ARHGAP32: variants seen among roughly 807,000 people sequenced by gnomAD.
ARHGAP32 encodes the protein rho GTPase-activating protein 32.
ARHGAP32 carries 51 observed loss-of-function variants against 186.5 expected under a neutral mutation model. The observed-to-expected ratio is 0.27, with a 90% confidence interval of 0.22 to 0.35. The LOEUF is 0.35. Ranked by LOEUF, ARHGAP32 falls within the 10% of genes least tolerant of loss-of-function variation. The pLI, the probability that ARHGAP32 is intolerant of heterozygous loss-of-function variation, is 1.00. For missense variants in ARHGAP32, 2,186 were observed against 2,623.5 expected (o/e 0.83, Z 3.64); for synonymous variants, 950 against 964.3 (o/e 0.99, Z 0.27).
intron 12 of ARHGAP32, among the ~76,000 whole-genome samples, chr11:128,997,641 T>TC (rs1420927101): frequency 4.0e-5 from 6 of 151,800 alleles, no homozygotes; most frequent in Admixed American, 6.6e-5. Flanking sequence ...CTCCTATCCA[T>TC]CCCCCCATCC....
At chr11:129,031,038 T>A (rs373207513) in intron 11 of ARHGAP32, among the ~76,000 whole-genome samples, 72 of 152,172 alleles carry the variant, frequency 4.7e-4, no homozygotes, top group African/African-American at 1.7e-3. Flanking sequence ...GTGCCATGCT[T>A]CCTGGACAGC....
intron 1 of ARHGAP32, among the ~76,000 whole-genome samples, chr11:129,226,301 G>A (rs1188658226): frequency 6.6e-6 from 1 of 151,574 alleles, no homozygotes; most frequent in African/African-American, 2.4e-5. Context: ...ACTCCAAGTA[G>A]GATAAACTCA....
intron 6 of ARHGAP32, among the ~76,000 whole-genome samples, chr11:129,089,704 C>T (rs1305441734): frequency 3.9e-5 from 6 of 152,248 alleles, no homozygotes; most frequent in South Asian, 2.1e-4. Flanking sequence ...ACGATACTAA[C>T]AATATTTGAT....
At chr11:129,113,791 T>C (rs1390770431) in intron 5 of ARHGAP32, among the ~76,000 whole-genome samples, 10 of 152,094 alleles carry the variant, frequency 6.6e-5, no homozygotes, top group Non-Finnish European at 1.3e-4. Context: ...ATATGGTGCT[T>C]AGTTTCAAAA....
chr11:129,008,029 T>C lies in ARHGAP32; in HGVS notation c.1046-9561A>G, dbSNP rs187356528. 7.4e-4 allele frequency among the ~76,000 whole-genome samples: 113 copies of C among 152,136 alleles called. 1 individual carries two copies. The highest frequency in any genetic ancestry group is 2.6e-3 in the African/African-American group (107 of 41,500). On this transcript the variant is annotated intron_variant, in intron 11 of 22. Transcript: ENST00000682385. ...CTGGATTCAAGGCAAAGTCCCAAAA[T>C]TCCTAAGTTCTCCCTCAAGAGAGAG...
intron 2 of ARHGAP32, among the ~76,000 whole-genome samples, chr11:129,131,726 T>C (rs1942815336): frequency 6.6e-6 from 1 of 151,882 alleles, no homozygotes; most frequent in African/African-American, 2.4e-5. Flanking sequence ...GGCCCACAAA[T>C]CCAAACCACA....
intron 10 of ARHGAP32, 95 bp from the exon 11 acceptor site, chr11:129,041,104 C>T (rs922008528): frequency 1.4e-6 from 1 of 728,450 alleles, no homozygotes; most frequent in Non-Finnish European, 2.3e-6. Context: ...TTCTACAGTC[C>T]CTCCCAAATG....
intron 10 of ARHGAP32, among the ~76,000 whole-genome samples, chr11:129,052,858 A>C (rs752333262): frequency 1.3e-5 from 2 of 152,128 alleles, no homozygotes; most frequent in Non-Finnish European, 2.9e-5. Context: ...AGTGTATATT[A>C]ATGGAAGTAG....
rs761851934 is a variant in ARHGAP32, at chr11:129,123,541, T to C, written c.360-11A>G. On this transcript the variant is annotated splice_polypyrimidine_tract_variant and intron_variant, in intron 4 of 22. Coordinates refer to ENST00000682385, the MANE Select transcript of ARHGAP32 (RefSeq NM_001378024.1). This position sits in a 1 kb window ranked among gnomAD's most constrained non-coding sequence, Gnocchi z 4.6. ...TTAGTGAAGGGTAACCTGAAACACA[T>C]GAAATAAATAAGAAACGAGATAGTG... 6.2e-6 allele frequency: 10 copies of C among 1,605,954 alleles called. No homozygotes were observed. Among genetic ancestry groups the C allele is most frequent in the Non-Finnish European group, 8.5e-6 (10 of 1,173,474 alleles).
intron 12 of ARHGAP32, among the ~76,000 whole-genome samples, chr11:128,997,707 TATAAAAA>T (rs1194579200): frequency 1.3e-5 from 2 of 152,142 alleles, no homozygotes; most frequent in African/African-American, 4.8e-5. Flanking sequence ...TATAGATTCC[TATAAAAA>T]ATAAAATACA....
chr11:129,238,326 C>T (rs1271480516), intron 1 of ARHGAP32, among the ~76,000 whole-genome samples: 1 of 152,074 alleles, frequency 6.6e-6, no homozygotes, highest in Non-Finnish European at 1.5e-5. Context: ...GTGCTTATGC[C>T]TTTCTGTGCC....
chr11:129,167,482 A>G (rs1943662997), intron 1 of ARHGAP32, among the ~76,000 whole-genome samples: 2 of 152,208 alleles, frequency 1.3e-5, no homozygotes, highest in South Asian at 2.1e-4. Flanking sequence ...CAGCAACTGA[A>G]GGATAAATAA....
At chr11:128,975,560 A>G (rs1181094290) in intron 20 of ARHGAP32, among the ~76,000 whole-genome samples, 3 of 152,158 alleles carry the variant, frequency 2.0e-5, no homozygotes, top group African/African-American at 7.2e-5. Context: ...GATACTAAAC[A>G]AGAACTTCAT....
chr11:129,263,614 C>T (rs371207424), intron 1 of ARHGAP32, among the ~76,000 whole-genome samples: 3 of 41,180 alleles, frequency 7.3e-5, no homozygotes, highest in East Asian at 6.5e-4. Flanking sequence ...AAATGGGGAG[C>T]GGGGAGAGGG....
rs1243252235 is a variant in ARHGAP32 at position 128,970,333 on chromosome 11, C to T, written c.4880G>A (p.Cys1627Tyr). Residue 1627 changes from cysteine to tyrosine, a missense_variant, in exon 23 of 23, where the codon TGC becomes TAC. This residue lies in a region of ARHGAP32 where 1,502 missense variants were observed against 1,570.0 expected (regional missense o/e 0.96). Transcript: ENST00000682385. The surrounding 1 kb of genome is among the most constrained non-coding windows in gnomAD (Gnocchi z 5.8). ...CTTATATTGGTACAGAGGTCTTGGG[C>T]AGTAGGCTGGCTCATCATCTGGGGG... is the stretch of plus-strand genomic sequence containing the variant. ...EVPPDDEPAY[C>Y]PRPLYQYKPY... 6.2e-7 allele frequency: 1 copy of T among 1,614,108 alleles called. No homozygotes were observed. The highest frequency in any genetic ancestry group is 2.2e-5 in the East Asian group (1 of 44,886).
intron 1 of ARHGAP32, among the ~76,000 whole-genome samples, chr11:129,242,235 T>C (rs769978184): frequency 1.3e-5 from 2 of 152,160 alleles, no homozygotes; most frequent in Non-Finnish European, 2.9e-5. Context: ...TTGAACATAC[T>C]TACTCAACCC....
chr11:128,973,792 T>TAA (rs1370046544), intron 21 of ARHGAP32: 38 of 506,832 alleles, frequency 7.5e-5, no homozygotes, highest in Middle Eastern at 1.0e-3. Context: ...GCTGGCTTGT[T>TAA]AACTTGGAAG....
At chr11:129,066,635 C>T (rs1018309612) in intron 7 of ARHGAP32, 96 bp downstream of exon 7, 13 of 1,128,694 alleles carry the variant, frequency 1.2e-5, no homozygotes, top group South Asian at 1.0e-4. Flanking sequence ...AATCACCCTG[C>T]GTGTTCAGTA....
chr11:129,130,153 T>G (rs1942776718), intron 2 of ARHGAP32, among the ~76,000 whole-genome samples: 1 of 152,040 alleles, frequency 6.6e-6, no homozygotes, highest in African/African-American at 2.4e-5. Flanking sequence ...AACAAATGAA[T>G]GAAATATAAT....
Sources: allele counts gnomAD v4.1 joint callset (sites outside exome capture counted in the v4.1 genomes callset), GRCh38; gene constraint gnomAD v4.1.1; regional missense constraint gnomAD v4.1.1; non-coding constraint Gnocchi (gnomAD v3.1); transcripts MANE v1.5; gene names NCBI Gene and HGNC (gene_info 2026-07-23, HGNC 2026-07-21).